Variants in EIF4EBP2 observed in about 807,000 individuals in gnomAD.
EIF4EBP2 encodes eukaryotic translation initiation factor 4E binding protein 2.
EIF4EBP2 carries 5 observed loss-of-function variants against 10.3 expected under a neutral mutation model. The ratio of observed to expected loss-of-function variants is 0.48; its 90% CI spans 0.25 to 1.02. EIF4EBP2 has a LOEUF of 1.02. Among genes scored for constraint, EIF4EBP2 ranks in the 50% least tolerant of loss-of-function variants. The pLI is 0.15. For synonymous variants in EIF4EBP2, 67 were observed against 61.1 expected, an observed-to-expected ratio of 1.10 and a Z score of -0.45; for missense variants, 188 against 162.2, an observed-to-expected ratio of 1.16 and a Z score of -0.86.
Position 70,425,218 on chromosome 10 carries a change from A to G in EIF4EBP2, c.*3471A>G, listed in dbSNP as rs932002894. ...CATGACACCTGGCTTCTCCCTGAGC[A>G]GCTGATTCCAGAGATCATGGGGCAG... is the stretch of plus-strand genomic sequence containing the variant. On this transcript the variant is annotated 3_prime_UTR_variant, in exon 3 of 3. Coordinates refer to ENST00000373218, the MANE Select transcript of EIF4EBP2 (RefSeq NM_004096.5). 2 of 152,286 alleles carry G rather than the reference A, an allele frequency of 1.3e-5. No individual in the cohort carries two copies. The highest frequency in any genetic ancestry group is 4.8e-5 in the African/African-American group (2 of 41,464). The allele number at this position is 152,286 out of a possible 1,614,324, so 9.4% of individuals were successfully genotyped here. A position where few individuals can be genotyped will look rare whatever the true frequency, so the allele number is the denominator to read the frequency against.
In EIF4EBP2 at chr10:70,424,061, A is replaced by G. The variant is rs1845184426; in HGVS notation, c.*2314A>G. ...CTTGGCATCCTGTGGAATTTGACCC[A>G]ACTAGCAGCTAGTCAGTCTGTCAGT... On this transcript the variant is annotated 3_prime_UTR_variant, in exon 3 of 3. Transcript: ENST00000373218. The G allele has an allele frequency of 1.3e-5, 2 of 152,168 alleles. No homozygotes were observed. The highest frequency in any genetic ancestry group is 1.3e-4 in the Admixed American group (2 of 15,274). The allele number at this position is 152,168 out of a possible 1,614,324, so 9.4% of individuals were successfully genotyped here.
chr10:70,420,653 A>G (rs1434042750), intron 2 of EIF4EBP2, among the ~76,000 whole-genome samples: 1 of 152,204 alleles, frequency 6.6e-6, no homozygotes, highest in Non-Finnish European at 1.5e-5. Context: ...AGGATGATAA[A>G]CCCCAAAAAT....
At chr10:70,414,954 C>G (rs1399016640) in intron 1 of EIF4EBP2, among the ~76,000 whole-genome samples, 1 of 151,848 alleles carries the variant, frequency 6.6e-6, no homozygotes, top group Non-Finnish European at 1.5e-5. Flanking sequence ...CCCAGGAGTT[C>G]AAGACCAGCC....
intron 2 of EIF4EBP2, among the ~76,000 whole-genome samples, chr10:70,421,222 T>TC (rs547957405): frequency 6.6e-6 from 1 of 152,220 alleles, no homozygotes; most frequent in Non-Finnish European, 1.5e-5. Flanking sequence ...ATTCTTTTTT[T>TC]CTTTATCACT....
Position 70,426,138 on chromosome 10 carries a change from A to G in EIF4EBP2, c.*4391A>G, listed in dbSNP as rs1004106453. 8 of 152,226 alleles carry G rather than the reference A, an allele frequency of 5.3e-5. No individual in the cohort carries two copies. Among genetic ancestry groups the G allele is most frequent in the Admixed American group, 6.5e-5 (1 of 15,280 alleles). 9.4% of individuals were successfully genotyped at this position (152,226 alleles called of 1,614,324 possible). A position where few individuals can be genotyped will look rare whatever the true frequency, so the allele number is the denominator to read the frequency against. On this transcript the variant is annotated 3_prime_UTR_variant, in exon 3 of 3. Transcript: ENST00000373218. ...TTGTGTTCATGCTAAAGACAAACTT[A>G]CATGAAGTTTTTCAGTTTAAGACAT...
Position 70,421,784 on chromosome 10 carries a change from G to C in EIF4EBP2, c.*37G>C. The C allele has an allele frequency of 6.2e-7, 1 of 1,606,858 alleles. No individual in the cohort carries two copies. Among genetic ancestry groups the C allele is most frequent in the Non-Finnish European group, 8.5e-7 (1 of 1,175,258 alleles). The stretch of plus-strand genomic sequence containing the variant: ...GGATTAGAAGAAAAGCAGCAACACT[G>C]ATACTTGTGTGCACCTGATTTGGCC... On this transcript the variant is annotated 3_prime_UTR_variant, in exon 3 of 3. Transcript: ENST00000373218.
At chr10:70,413,184 T>G (rs969904088) in intron 1 of EIF4EBP2, among the ~76,000 whole-genome samples, 1 of 152,224 alleles carries the variant, frequency 6.6e-6, no homozygotes, top group Non-Finnish European at 1.5e-5. Flanking sequence ...TGTATTATCA[T>G]TTTTGGCTCC....
Position 70,424,815 on chromosome 10 carries a change from TC to T in EIF4EBP2, c.*3069del, listed in dbSNP as rs1473001662. On this transcript the variant is annotated 3_prime_UTR_variant, in exon 3 of 3. Coordinates refer to ENST00000373218, the MANE Select transcript of EIF4EBP2 (RefSeq NM_004096.5). ...TTATTGAGTTCAGCAGTTCTCATAT[TC>T]TGTTTAAATAGGTACAGCATTTTCA... is the stretch of plus-strand genomic sequence containing the variant. 6.6e-6 allele frequency: 1 copy of T among 152,240 alleles called. No individual in the cohort carries two copies. 9.4% of individuals were successfully genotyped at this position (152,240 alleles called of 1,614,324 possible). A position where few individuals can be genotyped will look rare whatever the true frequency, so the allele number is the denominator to read the frequency against.
chr10:70,417,272 A>C (rs1478347529), intron 1 of EIF4EBP2, among the ~76,000 whole-genome samples: 1 of 152,202 alleles, frequency 6.6e-6, no homozygotes, highest in African/African-American at 2.4e-5. Context: ...TTCCATTTAT[A>C]TGAAATGGCC....
chr10:70,423,566 A>G lies in EIF4EBP2; in HGVS notation c.*1819A>G, dbSNP rs1845179393. The G allele has an allele frequency of 6.6e-6, 1 of 152,256 alleles. No individual in the cohort carries two copies. Among genetic ancestry groups the G allele is most frequent in the Non-Finnish European group, 1.5e-5 (1 of 68,040 alleles). 9.4% of individuals were successfully genotyped at this position (152,256 alleles called of 1,614,324 possible). On this transcript the variant is annotated 3_prime_UTR_variant, in exon 3 of 3. Transcript: ENST00000373218. ...TTTCTGGTTGGATTTGGTGCCCTGA[A>G]CTTTTTTATTAAGAAATCAGATCCC...
At chr10:70,414,261 C>T (rs1432892709) in intron 1 of EIF4EBP2, among the ~76,000 whole-genome samples, 1 of 152,004 alleles carries the variant, frequency 6.6e-6, no homozygotes, top group African/African-American at 2.4e-5. Context: ...GAATTACACC[C>T]TAAAATCATT....
intron 1 of EIF4EBP2, among the ~76,000 whole-genome samples, chr10:70,416,874 C>CGTCTG (rs1384635084): frequency 1.3e-5 from 2 of 151,780 alleles, no homozygotes; most frequent in Non-Finnish European, 2.9e-5. Flanking sequence ...GCCATGTTGC[C>CGTCTG]CAGGCTGGTC....
chr10:70,407,990 C>T (rs1844996922), intron 1 of EIF4EBP2, among the ~76,000 whole-genome samples: 1 of 118,170 alleles, frequency 8.5e-6, no homozygotes. Context: ...GGGCTGACCC[C>T]CCCACCTCCC....
At chr10:70,413,848 T>C (rs1301548106) in intron 1 of EIF4EBP2, among the ~76,000 whole-genome samples, 2 of 152,328 alleles carry the variant, frequency 1.3e-5, no homozygotes, top group East Asian at 3.9e-4. Context: ...CATCAATTGA[T>C]CACAATCATG....
chr10:70,405,167 G>A (rs992454763), intron 1 of EIF4EBP2, among the ~76,000 whole-genome samples: 2 of 152,250 alleles, frequency 1.3e-5, no homozygotes, highest in African/African-American at 4.8e-5. Context: ...TAAAGCTCAA[G>A]TAATAGCCAA....
intron 1 of EIF4EBP2, among the ~76,000 whole-genome samples, chr10:70,414,930 G>A (rs1185547714): frequency 6.6e-6 from 1 of 151,934 alleles, no homozygotes; most frequent in Non-Finnish European, 1.5e-5. Context: ...GCTGAGGTGG[G>A]CAGATGGCTT....
Position 70,427,136 on chromosome 10 carries a change from C to G in EIF4EBP2, c.*5389C>G, listed in dbSNP as rs888401246. ...TGTGTCTGGTTCAGAGCTCTTCCTT[C>G]TTGGCATGTTTTCTGGACTACATGC... On this transcript the variant is annotated 3_prime_UTR_variant, in exon 3 of 3. Coordinates refer to ENST00000373218, the MANE Select transcript of EIF4EBP2 (RefSeq NM_004096.5). The G allele has an allele frequency of 6.6e-6, 1 of 152,194 alleles. No individual in the cohort carries two copies. Among genetic ancestry groups the G allele is most frequent in the Non-Finnish European group, 1.5e-5 (1 of 68,038 alleles). 9.4% of individuals were successfully genotyped at this position (152,194 alleles called of 1,614,324 possible).
chr10:70,420,104 G>A lies in EIF4EBP2; in HGVS notation c.331+5G>A, dbSNP rs1391550922. On this transcript the variant is annotated splice_donor_5th_base_variant and intron_variant, in intron 2 of 2. Transcript: ENST00000373218. Reference sequence around the variant, plus strand: ...ACGACAGGAAACATGCAGTTGGTAAGAGAATGGCGATGTTGGAGACCTAGA... The same window carrying A: ...ACGACAGGAAACATGCAGTTGGTAAAAGAATGGCGATGTTGGAGACCTAGA... 6.3e-7 allele frequency: 1 copy of A among 1,596,358 alleles called. No individual in the cohort carries two copies. Among genetic ancestry groups the A allele is most frequent in the Non-Finnish European group, 8.5e-7 (1 of 1,171,910 alleles).
intron 1 of EIF4EBP2, among the ~76,000 whole-genome samples, chr10:70,405,955 C>T (rs1219756852): frequency 6.6e-6 from 1 of 152,142 alleles, no homozygotes; most frequent in Non-Finnish European, 1.5e-5. Context: ...TGGAAGAAAT[C>T]TCCCCCCGAT....
Sources: gnomAD v4.1 joint callset for allele counts (sites outside exome capture counted in the v4.1 genomes callset) on GRCh38, gnomAD v4.1.1 for gene constraint, MANE v1.5 for transcripts, NCBI Gene and HGNC (gene_info 2026-07-23, HGNC 2026-07-21) for gene names.